GMCL1: variants seen among roughly 807,000 people sequenced by gnomAD.
GMCL1 encodes the protein germ cell-less protein-like 1.
In GMCL1, 54 loss-of-function variants were observed where a neutral mutation model predicts 75.5. That is an observed-to-expected ratio of 0.71 (90% CI 0.57 to 0.90). GMCL1 has a LOEUF of 0.90. Ranked by LOEUF, GMCL1 falls within the 40% of genes least tolerant of loss-of-function variation. GMCL1 has a pLI of 0.00. For synonymous variants in GMCL1, 210 were observed against 209.6 expected (o/e 1.00, Z -0.02); for missense variants, 537 against 622.7 (o/e 0.86, Z 1.47).
At chr2:69,833,434 G>T (rs975473075) in intron 1 of GMCL1, among the ~76,000 whole-genome samples, 2 of 152,062 alleles carry the variant, frequency 1.3e-5, no homozygotes, top group African/African-American at 4.8e-5. Context: ...GACCAACACA[G>T]TGAAACCCCG....
chr2:69,858,921 G>T (rs556319730), intron 9 of GMCL1, among the ~76,000 whole-genome samples: 1 of 152,010 alleles, frequency 6.6e-6, no homozygotes, highest in African/African-American at 2.4e-5. Context: ...GCCGAGGCAG[G>T]TGGATCATGA....
intron 12 of GMCL1, among the ~76,000 whole-genome samples, chr2:69,871,215 A>G (rs1008309704): frequency 2.0e-5 from 3 of 152,194 alleles, no homozygotes; most frequent in Admixed American, 6.5e-5. Context: ...ATTCTCATAC[A>G]TGCTAAACAT....
Position 69,869,681 on chromosome 2 carries a change from G to A in GMCL1, c.1219-38G>A, listed in dbSNP as rs1447138516. The A allele has an allele frequency of 5.0e-6, 8 of 1,594,192 alleles. No homozygotes were observed. The South Asian group carries it at 8.9e-5, about 18-fold the overall frequency. ...TTTTTTATTTTCTACTTGCTAATAT[G>A]ATAAACTGAAATAAGTCTTCTCTCT... On this transcript the variant is annotated intron_variant, in intron 11 of 13. Coordinates refer to ENST00000282570, the MANE Select transcript of GMCL1 (RefSeq NM_178439.5).
intron 7 of GMCL1, among the ~76,000 whole-genome samples, chr2:69,848,977 A>G (rs755853264): frequency 9.2e-5 from 14 of 152,150 alleles, no homozygotes; most frequent in Admixed American, 2.0e-4. Context: ...TCTTGCTTTT[A>G]TAATCTCATA....
In GMCL1 at chr2:69,849,684, T is replaced by G; in HGVS notation, c.876T>G (p.Asn292Lys). Residue 292 changes from asparagine (N) to lysine (K), a missense_variant, in exon 8 of 14, where the codon AAT becomes AAG. Asn to Lys is a moderately conservative substitution (Grantham distance 94). This residue lies in a region of GMCL1 where 345 missense variants were observed against 410.5 expected (regional missense o/e 0.84). Transcript: ENST00000282570. ...WMFLQLVPSW[N>K]GSLKQLLTET... ...TCCTTCAACTTGTGCCTTCTTGGAA[T>G]GGATCTTTAAAACAGCTTTTGACAG... 1.3e-6 allele frequency: 2 copies of G among 1,592,422 alleles called. No homozygotes were observed. Among genetic ancestry groups the G allele is most frequent in the Non-Finnish European group, 1.7e-6 (2 of 1,170,396 alleles).
At position 69,869,785 on chromosome 2, in the gene GMCL1, A is replaced by T; in HGVS notation, c.1285A>T (p.Ile429Phe). ...DLLVTYTNRY[I>F]IFKRNTLNQP... ...ACTTGTAACTTACACCAATCGATACATCATTTTCAAACGCAATACACTGAA... is the reference window on the plus strand; with the variant it reads ...ACTTGTAACTTACACCAATCGATACTTCATTTTCAAACGCAATACACTGAA... Residue 429 changes from isoleucine (I) to phenylalanine (F), a missense_variant, in exon 12 of 14, where the codon ATC (isoleucine) becomes TTC (phenylalanine). By Grantham distance (21) the Ile-to-Phe change is conservative. Transcript: ENST00000282570. 1 of 1,614,070 alleles carries T rather than the reference A, an allele frequency of 6.2e-7. No individual in the cohort carries two copies. Among genetic ancestry groups the T allele is most frequent in the Non-Finnish European group, 8.5e-7 (1 of 1,179,994 alleles).
chr2:69,846,551 G>A (rs180913961), intron 6 of GMCL1, among the ~76,000 whole-genome samples: 8 of 152,242 alleles, frequency 5.3e-5, no homozygotes, highest in Admixed American at 5.2e-4. Context: ...CAGATACAGG[G>A]GGATGACTCT....
At chr2:69,875,227 A>G (rs1182400327) in intron 13 of GMCL1, among the ~76,000 whole-genome samples, 7 of 152,150 alleles carry the variant, frequency 4.6e-5, no homozygotes, top group African/African-American at 7.2e-5. Context: ...ATTTGACGAT[A>G]TATCTGAAAT....
rs1207757855 is a variant in GMCL1 at position 69,878,988 on chromosome 2, C to T, written c.1532C>T (p.Pro511Leu). 6.3e-7 allele frequency: 1 copy of T among 1,589,094 alleles called. No homozygotes were observed. The highest frequency in any genetic ancestry group is 1.3e-5 in the African/African-American group (1 of 74,146). ...TGCTGTAACTTCTTGTATATATCACCAGAAAAAAAGAATTGAAAATAATCG... is the reference window on the plus strand; with the variant it reads ...TGCTGTAACTTCTTGTATATATCACTAGAAAAAAAGAATTGAAAATAATCG... ...YICCNFLYIS[P>L]EKKN Residue 511 changes from proline (P) to leucine (L), a missense_variant, in exon 14 of 14, where the codon CCA (proline) becomes CTA (leucine). Physicochemically the swap from Pro to Leu is moderately conservative, Grantham distance 98 (BLOSUM62 -3). Transcript: ENST00000282570.
At chr2:69,846,864 G>C (rs1370441509) in intron 6 of GMCL1, among the ~76,000 whole-genome samples, 1 of 150,904 alleles carries the variant, frequency 6.6e-6, no homozygotes, top group Non-Finnish European at 1.5e-5. Flanking sequence ...GTCTTGCTCT[G>C]TTGCCCAGGC....
At chr2:69,843,355 A>G (rs1443525571) in intron 5 of GMCL1, 94 bp downstream of exon 5, 2 of 627,082 alleles carry the variant, frequency 3.2e-6, no homozygotes, top group African/African-American at 3.8e-5. Flanking sequence ...AGAAAGAAAG[A>G]ATTAAGGAAA....
At chr2:69,852,347 A>C (rs1675340827) in intron 8 of GMCL1, among the ~76,000 whole-genome samples, 1 of 152,222 alleles carries the variant, frequency 6.6e-6, no homozygotes, top group Admixed American at 6.5e-5. Context: ...GAAAGTATAC[A>C]GTTCAAGATA....
intron 10 of GMCL1, among the ~76,000 whole-genome samples, chr2:69,862,012 AAAACAAAC>A (rs144510881): frequency 6.6e-6 from 1 of 152,124 alleles, no homozygotes; most frequent in Non-Finnish European, 1.5e-5. Flanking sequence ...TCAAAAAAAC[AAAACAAAC>A]AAACAAACAA....
At chr2:69,873,941 G>T (rs892345476) in intron 13 of GMCL1, 5 of 145,154 alleles carry the variant, frequency 3.4e-5, no homozygotes. Flanking sequence ...GGTAGTAATT[G>T]TAACCTTTTT....
chr2:69,879,153 A>G lies in GMCL1; in HGVS notation c.*149A>G. 1 of 605,358 alleles carries G rather than the reference A, an allele frequency of 1.7e-6. No individual in the cohort carries two copies. The highest frequency in any genetic ancestry group is 3.0e-6 in the Non-Finnish European group (1 of 337,026). 37.5% of individuals were successfully genotyped at this position (605,358 alleles called of 1,614,324 possible). ...ACTAACAATGACAAAGGCCTTATGA[A>G]CTGTACAGACAATACAGAAGATTAT... On this transcript the variant is annotated 3_prime_UTR_variant, in exon 14 of 14. Coordinates refer to ENST00000282570, the MANE Select transcript of GMCL1 (RefSeq NM_178439.5).
chr2:69,837,985 A>G (rs1251688498), intron 2 of GMCL1, among the ~76,000 whole-genome samples: 2 of 152,162 alleles, frequency 1.3e-5, no homozygotes, highest in Non-Finnish European at 2.9e-5. Flanking sequence ...TAAAGTTAAG[A>G]TTGTAGTGTT....
intron 12 of GMCL1, among the ~76,000 whole-genome samples, chr2:69,871,408 AGCGAG>A (rs1218737041): frequency 6.6e-6 from 1 of 152,218 alleles, no homozygotes; most frequent in Non-Finnish European, 1.5e-5. Context: ...AAGGAGCTTC[AGCGAG>A]GGAAAATTAA....
At chr2:69,837,332 G>C (rs1674848169) in intron 1 of GMCL1, among the ~76,000 whole-genome samples, 1 of 152,088 alleles carries the variant, frequency 6.6e-6, no homozygotes, top group Non-Finnish European at 1.5e-5. Context: ...CCCGTGCATA[G>C]AGGACCCCAG....
intron 9 of GMCL1, among the ~76,000 whole-genome samples, chr2:69,859,789 C>G (rs1383898909): frequency 7.1e-6 from 1 of 140,774 alleles, no homozygotes; most frequent in Non-Finnish European, 1.5e-5. Flanking sequence ...GGAAAGACAC[C>G]AGTAAATCAT....
Sources: allele counts gnomAD v4.1 joint callset (sites outside exome capture counted in the v4.1 genomes callset), GRCh38; gene constraint gnomAD v4.1.1; regional missense constraint gnomAD v4.1.1; transcripts MANE v1.5; gene names NCBI Gene and HGNC (gene_info 2026-07-23, HGNC 2026-07-21).